Variants in LRWD1 observed in about 807,000 individuals in gnomAD.
LRWD1 encodes the protein leucine-rich repeat and WD repeat-containing protein 1.
Under a neutral mutation model 75.6 loss-of-function variants are expected in LRWD1, and 76 were observed. That is an observed-to-expected ratio of 1.01 (90% confidence interval 0.84 to 1.22). The LOEUF is 1.22. LRWD1 is among the 50% of genes most tolerant of loss of function. LRWD1 has a pLI of 0.00. For missense variants in LRWD1, 917 were observed against 862.0 expected (o/e 1.06, Z -0.80); for synonymous variants, 487 against 377.0 (o/e 1.29, Z -3.38).
chr7:102,472,899 T>A lies in LRWD1; in HGVS notation c.1804-10T>A. Reference sequence around the variant, plus strand: ...GAGCCCAGCCCAGCCCTCCCCTCTCTCCCCACCAGATCCTGAAGTGGCCCC... The same window carrying A: ...GAGCCCAGCCCAGCCCTCCCCTCTCACCCCACCAGATCCTGAAGTGGCCCC... On this transcript the variant is annotated splice_polypyrimidine_tract_variant and intron_variant, in intron 14 of 14. Transcript: ENST00000292616. 2.5e-6 allele frequency: 4 copies of A among 1,594,470 alleles called. No individual in the cohort carries two copies. Among genetic ancestry groups the A allele is most frequent in the Non-Finnish European group, 3.4e-6 (4 of 1,163,360 alleles).
rs1326408887 is a variant in LRWD1, at chr7:102,472,821, C to CT, written c.1803+17_1803+18insT. 6.2e-7 allele frequency: 1 copy of CT among 1,612,876 alleles called. No individual in the cohort carries two copies. The highest frequency in any genetic ancestry group is 8.5e-7 in the Non-Finnish European group (1 of 1,179,696). Reference sequence around the variant, plus strand: ...CCCACACAGGTACTGCCCGGCTCACCCTGCCCAGGCTTGGGCTGGCAAGGC... The same window carrying CT: ...CCCACACAGGTACTGCCCGGCTCACCTCTGCCCAGGCTTGGGCTGGCAAGGC... On this transcript the variant is annotated intron_variant, in intron 14 of 14. Transcript: ENST00000292616.
intron 3 of LRWD1, among the ~76,000 whole-genome samples, chr7:102,467,070 G>GGTTGT (rs1798006368): frequency 1.5e-5 from 2 of 133,592 alleles, no homozygotes; most frequent in Admixed American, 1.5e-4. Flanking sequence ...GGTTGTTGCT[G>GGTTGT]GTGTGTGTGT....
Position 102,466,186 on chromosome 7 carries a change from G to A in LRWD1, c.348G>A (p.Leu116=), listed in dbSNP as rs1181513986. The change falls in exon 3 of 15, where the codon CTG becomes CTA. Residue 116 remains leucine (L), a synonymous_variant. Coordinates refer to ENST00000292616, the MANE Select transcript of LRWD1 (RefSeq NM_152892.3). ...VNDNLKVSFL[L]PTLRKVNGKD... ...ACAACCTGAAAGTCTCCTTTCTCCT[G>A]CCCACGCTCCGTAAGGTCAATGGCA... 1 of 1,614,156 alleles carries A rather than the reference G, an allele frequency of 6.2e-7. No individual in the cohort carries two copies. The highest frequency in any genetic ancestry group is 8.5e-7 in the Non-Finnish European group (1 of 1,180,034).
Position 102,465,053 on chromosome 7 carries a change from G to A in LRWD1, c.-28G>A, listed in dbSNP as rs945894542. 1 of 1,459,494 alleles carries A rather than the reference G, an allele frequency of 6.9e-7. No homozygotes were observed. The highest frequency in any genetic ancestry group is 9.0e-7 in the Non-Finnish European group (1 of 1,106,624). The allele number at this position is 1,459,494 out of a possible 1,614,324, so 90.4% of individuals were successfully genotyped here. ...ACGCCACACGCCGGGGTGGCCGACT[G>A]GGTCAGCGCGGGCTGCGCCTCCTCG... On this transcript the variant is annotated 5_prime_UTR_variant, in exon 1 of 15. Coordinates refer to ENST00000292616, the MANE Select transcript of LRWD1 (RefSeq NM_152892.3).
rs1346822174 is a variant in LRWD1 at position 102,465,057 on chromosome 7, C to G, written c.-24C>G. 6.8e-7 allele frequency: 1 copy of G among 1,473,348 alleles called. No homozygotes were observed. The highest frequency in any genetic ancestry group is 9.0e-7 in the Non-Finnish European group (1 of 1,113,194). 91.3% of individuals were successfully genotyped at this position (1,473,348 alleles called of 1,614,324 possible). Reference sequence around the variant, plus strand: ...CACACGCCGGGGTGGCCGACTGGGTCAGCGCGGGCTGCGCCTCCTCGCCAT... The same window carrying G: ...CACACGCCGGGGTGGCCGACTGGGTGAGCGCGGGCTGCGCCTCCTCGCCAT... On this transcript the variant is annotated 5_prime_UTR_variant, in exon 1 of 15. Transcript: ENST00000292616.
chr7:102,468,719 G>A, intron 8 of LRWD1, 65 bp downstream of exon 8: 1 of 1,537,068 alleles, frequency 6.5e-7, no homozygotes, highest in Non-Finnish European at 8.8e-7. Context: ...AGCAGCATGG[G>A]GATGGATGCA....
Position 102,468,277 on chromosome 7 carries a change from G to A in LRWD1, c.819G>A (p.Leu273=), listed in dbSNP as rs754308372. Reference sequence around the variant, plus strand: ...TCCCCCCACAGCCTGCTGTGAAGCTGGAGCCCCTGCACTTCCTGCAGTGCC... The same window carrying A: ...TCCCCCCACAGCCTGCTGTGAAGCTAGAGCCCCTGCACTTCCTGCAGTGCC... ...GSDGSQPAVK[L]EPLHFLQCHS... is the part of the protein sequence containing the mutation. The change falls in exon 7 of 15, where the codon CTG becomes CTA. Residue 273 remains leucine, a synonymous_variant. Transcript: ENST00000292616. The A allele has an allele frequency of 1.2e-6, 2 of 1,609,506 alleles. No homozygotes were observed. The highest frequency in any genetic ancestry group is 1.1e-5 in the South Asian group (1 of 90,078).
chr7:102,468,654 G>A lies in LRWD1; in HGVS notation c.1020G>A (p.Glu340=), dbSNP rs201292575. 1.0e-5 allele frequency: 16 copies of A among 1,561,898 alleles called. No homozygotes were observed. The African/African-American group carries it at 1.2e-4, about 12-fold the overall frequency. The change falls in exon 8 of 15, where the codon GAG becomes GAA. Residue 340 remains glutamate (E), a splice_region_variant and synonymous_variant. Coordinates refer to ENST00000292616, the MANE Select transcript of LRWD1 (RefSeq NM_152892.3). ...TCCACAAGTACAAGGCACCCGGCGA[G>A]GTGAGTGCAAGGCCCTGTCCCTGCT... ...IVLHKYKAPG[E]EFFSVAWTAL...
At chr7:102,467,665 GGCTGGGGGCACCT>G in intron 4 of LRWD1, 41 bp from the exon 5 acceptor site, 1 of 1,535,130 alleles carries the variant, frequency 6.5e-7, no homozygotes, top group East Asian at 2.4e-5. Context: ...GCATCGGCAG[GGCTGGGGGCACCT>G]GGGACTCTGC....
intron 9 of LRWD1, among the ~76,000 whole-genome samples, chr7:102,469,311 G>A (rs1404046952): frequency 1.3e-5 from 2 of 152,190 alleles, no homozygotes; most frequent in Admixed American, 6.5e-5. Flanking sequence ...TGACCTGGGG[G>A]GATGCCCCTG....
At chr7:102,469,227 C>A (rs1386237952) in intron 9 of LRWD1, among the ~76,000 whole-genome samples, 165 bp downstream of exon 9, 2 of 152,210 alleles carry the variant, frequency 1.3e-5, no homozygotes, top group African/African-American at 4.8e-5. Flanking sequence ...GTCGCTTCAA[C>A]CCTGGCTTTA....
chr7:102,467,176 G>GTGTGTA lies in LRWD1; in HGVS notation c.433-158_433-157insATGTGT, dbSNP rs1563654278. ...TGTTGCTGGGGTGTGTGTGGGGTGT[G>GTGTGTA]TGTGTGTGTGTGTGTGTGTGTGTGT... On this transcript the variant is annotated intron_variant, in intron 3 of 14. Coordinates refer to ENST00000292616, the MANE Select transcript of LRWD1 (RefSeq NM_152892.3). Among the ~76,000 whole-genome samples, 541 of 102,780 alleles carry GTGTGTA rather than the reference G, an allele frequency of 5.3e-3. 14 individuals are homozygous for GTGTGTA. The highest frequency in any genetic ancestry group is 0.018 in the Middle Eastern group (4 of 224). The allele number at this position is 102,780 out of a possible 152,430, so 67.4% of individuals were successfully genotyped here.
At chr7:102,469,452 GC>G in intron 9 of LRWD1, 121 bp from the exon 10 acceptor site, 1 of 1,128,956 alleles carries the variant, frequency 8.9e-7, no homozygotes, top group Non-Finnish European at 1.3e-6. Flanking sequence ...CCTAGCCTCG[GC>G]CCGCCCTCCC....
In LRWD1 at chr7:102,472,521, C is replaced by A; in HGVS notation, c.1602C>A (p.Gly534=). 3 of 1,567,682 alleles carry A rather than the reference C, an allele frequency of 1.9e-6. No individual in the cohort carries two copies. The highest frequency in any genetic ancestry group is 2.3e-5 in the South Asian group (2 of 86,360). ...GGAGGCAGACGTGGGGGGGCCGGGG[C>A]AGCCAGTCCACGGTGGCAGTGGTGG... ...WSWRQTWGGR[G]SQSTVAVVVL... is the part of the protein sequence containing the mutation. Residue 534 remains glycine (G), a synonymous_variant, in exon 13 of 15, where the codon GGC becomes GGA. Coordinates refer to ENST00000292616, the MANE Select transcript of LRWD1 (RefSeq NM_152892.3).
In LRWD1 at chr7:102,468,332, G is replaced by A. The variant is rs370482367; in HGVS notation, c.874G>A (p.Glu292Lys). 5.2e-5 allele frequency: 84 copies of A among 1,612,374 alleles called. No individual in the cohort carries two copies. The highest frequency in any genetic ancestry group is 8.0e-5 in the African/African-American group (6 of 74,928). ...CAAGAACAACAGCCCCCAGGACCTCGAGACCCAGCTGTGGGCCTGTGCCTT... is the reference window on the plus strand; with the variant it reads ...CAAGAACAACAGCCCCCAGGACCTCAAGACCCAGCTGTGGGCCTGTGCCTT... ...HSKNNSPQDL[E>K]TQLWACAFEP... The change falls in exon 7 of 15, where the codon GAG (glutamate) becomes AAG (lysine). Residue 292 changes from glutamate to lysine, a missense_variant. By Grantham distance (56) the Glu-to-Lys change is moderately conservative. Coordinates refer to ENST00000292616, the MANE Select transcript of LRWD1 (RefSeq NM_152892.3).
chr7:102,471,937 G>T (rs1047287581), intron 11 of LRWD1: 1 of 408,594 alleles, frequency 2.4e-6, no homozygotes, highest in East Asian at 5.3e-5. Context: ...GCACTGGCTC[G>T]CTTCAGAGCC....
Position 102,473,116 on chromosome 7 carries a change from TGG to T in LRWD1, c.*75_*76del, listed in dbSNP as rs61229695. On this transcript the variant is annotated 3_prime_UTR_variant, in exon 15 of 15. Transcript: ENST00000292616. ...TTATTCAGCTTTGGGCCGATGGGGG[TGG>T]GGGGGGGTCTTTCAGTGAATATTTT... 2.1e-4 allele frequency: 258 copies of T among 1,211,328 alleles called. 3 individuals carry two copies. Among genetic ancestry groups the T allele is most frequent in the South Asian group, 9.2e-4 (62 of 67,340 alleles). The allele number at this position is 1,211,328 out of a possible 1,614,324, so 75.0% of individuals were successfully genotyped here.
At chr7:102,468,810 C>T (rs747681554) in intron 8 of LRWD1, 45 bp from the exon 9 acceptor site, 3 of 1,597,846 alleles carry the variant, frequency 1.9e-6, no homozygotes, top group East Asian at 2.2e-5. Flanking sequence ...CGTGTTCACA[C>T]CAATAGCTCT....
chr7:102,472,786 C>A lies in LRWD1; in HGVS notation c.1785C>A (p.Ala595=). The change falls in exon 14 of 15, where the codon GCC becomes GCA. Residue 595 remains alanine (A), a synonymous_variant. Transcript: ENST00000292616. ...ILKQPPLLPA[A]LQAPTQILKW... The stretch of plus-strand genomic sequence containing the variant: ...AGCAGCCACCCCTGCTGCCGGCAGC[C>A]CTGCAGGCCCCCACACAGGTACTGC... 6.2e-7 allele frequency: 1 copy of A among 1,613,420 alleles called. No homozygotes were observed. Among genetic ancestry groups the A allele is most frequent in the Non-Finnish European group, 8.5e-7 (1 of 1,179,930 alleles).
Sources: gnomAD v4.1 joint callset for allele counts (sites outside exome capture counted in the v4.1 genomes callset) on GRCh38, gnomAD v4.1.1 for gene constraint, MANE v1.5 for transcripts, NCBI Gene and HGNC (gene_info 2026-07-23, HGNC 2026-07-21) for gene names.